The following GAREM2 variants were observed in gnomAD, a reference collection of about 807,000 sequenced individuals.
GAREM2 encodes GRB2-associated and regulator of MAPK protein 2.
Under a neutral mutation model 55.6 loss-of-function variants are expected in GAREM2, and 30 were observed. The ratio of observed to expected loss-of-function variants is 0.54; its 90% CI spans 0.40 to 0.73. The LOEUF is 0.73. GAREM2 is among the 30% of genes least tolerant of loss of function. The pLI, the probability that GAREM2 is intolerant of heterozygous loss-of-function variation, is 0.00. For missense variants in GAREM2, 1,075 were observed against 1,257.7 expected (o/e 0.85, Z 2.20); for synonymous variants, 550 against 569.1 (o/e 0.97, Z 0.48).
chr2:26,192,177 C>T (rs1669526055), downstream of GAREM2: 1 of 651,006 alleles, frequency 1.5e-6, no homozygotes, highest in Non-Finnish European at 2.7e-6. Flanking sequence ...ACGTGTATAC[C>T]TATGTAACAA....
In GAREM2 at chr2:26,184,222, G is replaced by A; in HGVS notation, c.385-11G>A. On this transcript the variant is annotated splice_polypyrimidine_tract_variant and intron_variant, in intron 3 of 5. Coordinates refer to ENST00000401533, the MANE Select transcript of GAREM2 (RefSeq NM_001168241.2). ...CTGGCTAAGGCCCTGCCCTGTCTCTGGGATCCCCAGGTGGTGTCGGGCGAG... is the reference window on the plus strand; with the variant it reads ...CTGGCTAAGGCCCTGCCCTGTCTCTAGGATCCCCAGGTGGTGTCGGGCGAG... The A allele has an allele frequency of 1.3e-6, 2 of 1,549,122 alleles. No homozygotes were observed. Among genetic ancestry groups the A allele is most frequent in the Non-Finnish European group, 1.7e-6 (2 of 1,145,502 alleles).
At position 26,184,387 on chromosome 2, in the gene GAREM2, G is replaced by GGGCCGGGGCGCT. The variant is rs1465483534; in HGVS notation, c.548_559dup (p.Ala183_Gly186dup). 1.3e-6 allele frequency: 2 copies of GGGCCGGGGCGCT among 1,530,768 alleles called. No individual in the cohort carries two copies. Among genetic ancestry groups the GGGCCGGGGCGCT allele is most frequent in the Non-Finnish European group, 1.8e-6 (2 of 1,136,984 alleles). 94.8% of individuals were successfully genotyped at this position (1,530,768 alleles called of 1,614,324 possible). ...ACCACCCTCCTGCGAAAGCTGGGCC[G>GGGCCGGGGCGCT]GGCCGGGGCGCTGGCCGGGGTGGGC... On this transcript the variant is annotated inframe_insertion, in exon 4 of 6. Transcript: ENST00000401533.
At chr2:26,189,933 A>G (rs75739598), downstream of GAREM2, among the ~76,000 whole-genome samples, 4,972 of 152,338 alleles carry the variant, frequency 0.033, 114 homozygotes, top group Middle Eastern at 0.075. Flanking sequence ...GGAAAGACCC[A>G]GGCTCAAAGC....
At chr2:26,178,741 G>C (rs1668943514) in intron 2 of GAREM2, among the ~76,000 whole-genome samples, 1 of 152,106 alleles carries the variant, frequency 6.6e-6, no homozygotes, top group East Asian at 1.9e-4. Context: ...TGGGTCCGGG[G>C]GCTCCTAGCT....
intron 5 of GAREM2, 93 bp from the exon 6 acceptor site, chr2:26,187,138 A>T: frequency 7.3e-7 from 1 of 1,361,790 alleles, no homozygotes; most frequent in Non-Finnish European, 9.4e-7. Flanking sequence ...TGCTGAGGTC[A>T]TAGTGGTGCT....
intron 3 of GAREM2, among the ~76,000 whole-genome samples, chr2:26,183,640 T>C (rs1669127448): frequency 1.3e-5 from 2 of 152,204 alleles, no homozygotes; most frequent in African/African-American, 4.8e-5. Flanking sequence ...GCGGGAGGAC[T>C]GTTGCCAGGA....
rs184225561 is a variant in GAREM2, at chr2:26,189,598, C to T, written c.*1341C>T. On this transcript the variant is annotated 3_prime_UTR_variant, in exon 6 of 6. Transcript: ENST00000401533. ...GGGGACATTTGGTTTTCTTGCAGAT[C>T]ATTTAATGAATCCTCAAGGACTAAT... 6.6e-6 allele frequency: 1 copy of T among 152,316 alleles called. No individual in the cohort carries two copies. The highest frequency in any genetic ancestry group is 6.5e-5 in the Admixed American group (1 of 15,300). 9.4% of individuals were successfully genotyped at this position (152,316 alleles called of 1,614,324 possible).
downstream of GAREM2, among the ~76,000 whole-genome samples, chr2:26,190,107 TAG>T (rs1267772876): frequency 6.6e-6 from 1 of 152,208 alleles, no homozygotes; most frequent in African/African-American, 2.4e-5. Context: ...GACTTGGTTT[TAG>T]AGTCTGGCTT....
Position 26,185,229 on chromosome 2 carries a change from C to T in GAREM2, c.1381C>T (p.Arg461Trp), listed in dbSNP as rs768695038. The T allele has an allele frequency of 6.6e-7, 1 of 1,521,450 alleles. No homozygotes were observed. The highest frequency in any genetic ancestry group is 2.0e-5 in the Admixed American group (1 of 50,324). The allele number at this position is 1,521,450 out of a possible 1,614,324, so 94.2% of individuals were successfully genotyped here. Residue 461 changes from arginine (R) to tryptophan (W), a missense_variant, in exon 4 of 6, where the codon CGG becomes TGG. Arg to Trp is a moderately radical substitution (Grantham distance 101, BLOSUM62 -3). Around this residue, in one of 6 missense-constraint regions of GAREM2, gnomAD observed 515 missense variants for 501.5 expected, o/e 1.03. Coordinates refer to ENST00000401533, the MANE Select transcript of GAREM2 (RefSeq NM_001168241.2). ...CTTCGGGGCCGCGGGACCGCCGCGT[C>T]GGGAGCCGGAAGCGCCGCCGCCTCC... ...ISFGAAGPPR[R>W]EPEAPPPPVP...
At position 26,188,119 on chromosome 2, in the gene GAREM2, C is replaced by A; in HGVS notation, c.2487C>A (p.Ser829Arg). The A allele has an allele frequency of 6.4e-7, 1 of 1,551,402 alleles. No homozygotes were observed. The highest frequency in any genetic ancestry group is 8.7e-7 in the Non-Finnish European group (1 of 1,146,802). ...TCGGGCTCTCAGAGGATGTGGTGAGCTTCTTTGCCCGAGAACGCATCGATG... is the reference window on the plus strand; with the variant it reads ...TCGGGCTCTCAGAGGATGTGGTGAGATTCTTTGCCCGAGAACGCATCGATG... ...RFIGLSEDVV[S>R]FFARERIDGS... The change falls in exon 6 of 6, where the codon AGC becomes AGA. Residue 829 changes from serine (S) to arginine (R), a missense_variant. This residue lies in a region of GAREM2 where 142 missense variants were observed against 172.3 expected (regional missense o/e 0.82). Coordinates refer to ENST00000401533, the MANE Select transcript of GAREM2 (RefSeq NM_001168241.2).
chr2:26,200,995 C>T, the GAREM2 span, among the ~76,000 whole-genome samples: 1 of 152,056 alleles, frequency 6.6e-6, no homozygotes, highest in East Asian at 1.9e-4. Context: ...GCCTCCCAAA[C>T]TACTGGGATT....
At position 26,179,260 on chromosome 2, in the gene GAREM2, G is replaced by C. The variant is rs72849140; in HGVS notation, c.253+2776G>C. Among the ~76,000 whole-genome samples the C allele has an allele frequency of 0.015, 2,276 of 152,304 alleles. 45 individuals carry two copies. Among genetic ancestry groups the C allele is most frequent in the African/African-American group, 0.051 (2,124 of 41,566 alleles). On this transcript the variant is annotated intron_variant, in intron 2 of 5. Coordinates refer to ENST00000401533, the MANE Select transcript of GAREM2 (RefSeq NM_001168241.2). This position sits in a 1 kb window ranked among gnomAD's most constrained non-coding sequence, Gnocchi z 4.7. ...CCCTGAGCATGGTGCCACTTCCCCAGTGTTGGCCTTGTTTCCTGCTCAGCA... is the reference window on the plus strand; with the variant it reads ...CCCTGAGCATGGTGCCACTTCCCCACTGTTGGCCTTGTTTCCTGCTCAGCA...
At chr2:26,191,134 C>G, downstream of GAREM2, 1 of 1,036,704 alleles carries the variant, frequency 9.6e-7, no homozygotes, top group South Asian at 1.3e-5. Flanking sequence ...GGAGCAAACC[C>G]AGTGCCGGAG....
At chr2:26,183,356 G>GCT (rs1669116377) in intron 3 of GAREM2, among the ~76,000 whole-genome samples, 1 of 152,234 alleles carries the variant, frequency 6.6e-6, no homozygotes, top group Non-Finnish European at 1.5e-5. Flanking sequence ...AGACTTTTCA[G>GCT]GGCAACCTGT....
chr2:26,191,647 G>A (rs1295211529), downstream of GAREM2: 5 of 1,613,500 alleles, frequency 3.1e-6, no homozygotes, highest in Non-Finnish European at 4.2e-6. Context: ...AGAAAGAGAT[G>A]TTTAGGTAGA....
chr2:26,175,028 G>A (rs1404189649), intron 1 of GAREM2, among the ~76,000 whole-genome samples: 1 of 152,044 alleles, frequency 6.6e-6, no homozygotes, highest in Non-Finnish European at 1.5e-5. Context: ...CACACACATA[G>A]TGGGGGCCAG....
chr2:26,187,099 T>G, intron 5 of GAREM2, 132 bp from the exon 6 acceptor site: 1 of 1,273,612 alleles, frequency 7.9e-7, no homozygotes, highest in Non-Finnish European at 9.9e-7. Flanking sequence ...CGGAGGGTCT[T>G]GGGCTGGGGC....
downstream of GAREM2, chr2:26,191,392 G>A (rs142481738): frequency 6.2e-7 from 1 of 1,614,208 alleles, no homozygotes; most frequent in East Asian, 2.2e-5. Context: ...AAAGCGGAAA[G>A]GCCCTGAATA....
intron 3 of GAREM2, 93 bp downstream of exon 3, chr2:26,183,190 C>A: frequency 1.4e-6 from 2 of 1,417,678 alleles, no homozygotes; most frequent in South Asian, 1.3e-5. Context: ...CCTCAGGATC[C>A]AAGAAGGAGA....
Sources: allele counts gnomAD v4.1 joint callset (sites outside exome capture counted in the v4.1 genomes callset), GRCh38; gene constraint gnomAD v4.1.1; regional missense constraint gnomAD v4.1.1; non-coding constraint Gnocchi (gnomAD v3.1); transcripts MANE v1.5; gene names NCBI Gene and HGNC (gene_info 2026-07-23, HGNC 2026-07-21).